MME: variants seen among roughly 807,000 people sequenced by gnomAD.
MME encodes neprilysin.
Under a neutral mutation model 113.2 loss-of-function variants are expected in MME, and 98 were observed. That is an observed-to-expected ratio of 0.87 (90% CI 0.74 to 1.02). The LOEUF is 1.02. MME is among the 50% of genes least tolerant of loss of function. The probability of loss-of-function intolerance (pLI) is 0.00; values close to 1 mark genes in which losing one functional copy is unlikely to be tolerated. For synonymous variants in MME, 292 were observed against 300.6 expected, an observed-to-expected ratio of 0.97 and a Z score of 0.30; for missense variants, 836 against 896.0, an observed-to-expected ratio of 0.93 and a Z score of 0.86.
At chr3:155,144,705 T>C (rs918636940) in intron 14 of MME, among the ~76,000 whole-genome samples, 1 of 152,076 alleles carries the variant, frequency 6.6e-6, no homozygotes, top group African/African-American at 2.4e-5. Flanking sequence ...AAATGTAAGG[T>C]GGTGCACTAT....
intron 21 of MME, 135 bp from the exon 22 acceptor site, chr3:155,172,401 A>G (rs1228789056): frequency 2.4e-6 from 2 of 837,346 alleles, no homozygotes; most frequent in Admixed American, 3.8e-5. Flanking sequence ...CTTTCATTGA[A>G]CATTATTTGA....
Position 155,181,717 on chromosome 3 carries a change from GA to G in MME, c.*1259del, listed in dbSNP as rs1713107789. On this transcript the variant is annotated 3_prime_UTR_variant, in exon 23 of 23. Coordinates refer to ENST00000360490, the MANE Select transcript of MME (RefSeq NM_007289.4). ...TCTGGAAAAGAACTGTTTACTGCTT[GA>G]TAGGAATTCATCTTTTGAGGCTTCT... The G allele has an allele frequency of 6.6e-6, 1 of 152,092 alleles. No homozygotes were observed. Among genetic ancestry groups the G allele is most frequent in the South Asian group, 2.1e-4 (1 of 4,828 alleles). 9.4% of individuals were successfully genotyped at this position (152,092 alleles called of 1,614,324 possible). A position where few individuals can be genotyped will look rare whatever the true frequency, so the allele number is the denominator to read the frequency against.
chr3:155,064,515 A>T (rs1216680884), intron 1 of MME, among the ~76,000 whole-genome samples: 1 of 152,198 alleles, frequency 6.6e-6, no homozygotes, highest in Non-Finnish European at 1.5e-5. Context: ...AATAATGAGG[A>T]CTATCACACA....
chr3:155,089,514 G>T (rs1364187188), intron 3 of MME, among the ~76,000 whole-genome samples: 1 of 152,166 alleles, frequency 6.6e-6, no homozygotes, highest in Non-Finnish European at 1.5e-5. Context: ...TCTCCTAGTT[G>T]TGACAACCAA....
intron 3 of MME, among the ~76,000 whole-genome samples, chr3:155,087,451 G>A (rs1487737224): frequency 1.3e-5 from 2 of 151,968 alleles, no homozygotes; most frequent in Non-Finnish European, 1.5e-5. Flanking sequence ...CAGGTACCTT[G>A]GCTGGGGGAT....
At chr3:155,052,218 CT>C (rs1713788045) in intron 1 of MME, among the ~76,000 whole-genome samples, 1 of 152,180 alleles carries the variant, frequency 6.6e-6, no homozygotes, top group Non-Finnish European at 1.5e-5. Flanking sequence ...GTGCCTGTGG[CT>C]TTTCCAGGTG....
Position 155,115,018 on chromosome 3 carries a change from A to T in MME, c.221A>T (p.Asp74Val), listed in dbSNP as rs1448753497. The T allele has an allele frequency of 1.2e-6, 2 of 1,614,128 alleles. No individual in the cohort carries two copies. Among genetic ancestry groups the T allele is most frequent in the Non-Finnish European group, 1.7e-6 (2 of 1,179,998 alleles). Residue 74 changes from aspartate to valine, a missense_variant, in exon 4 of 23, where the codon GAT becomes GTT. Transcript: ENST00000360490. ...KSAARLIQNM[D>V]ATTEPCTDFF... The stretch of plus-strand genomic sequence containing the variant: ...GCTGCTCGACTGATCCAAAACATGG[A>T]TGCCACCACTGAGCCTTGTACAGAC...
Position 155,067,909 on chromosome 3 carries a change from G to A in MME, c.-10-16249G>A, listed in dbSNP as rs549647338. Among the ~76,000 whole-genome samples, 7 of 152,056 alleles carry A rather than the reference G, an allele frequency of 4.6e-5. No individual in the cohort carries two copies. The East Asian group carries it at 1.2e-3, about 25-fold the overall frequency. ...GTTAAACATTACTGCCACAGGATTC[G>A]GCTATTGCACTCCTAGATATTTACC... On this transcript the variant is annotated intron_variant, in intron 1 of 22. Transcript: ENST00000492661.
At chr3:155,170,764 A>T (rs1245958742) in intron 20 of MME, among the ~76,000 whole-genome samples, 2 of 151,898 alleles carry the variant, frequency 1.3e-5, no homozygotes, top group Non-Finnish European at 2.9e-5. Flanking sequence ...CTGAACTCTC[A>T]GCTCCTTATC....
At chr3:155,128,835 A>G (rs1354259305) in intron 8 of MME, among the ~76,000 whole-genome samples, 1 of 152,204 alleles carries the variant, frequency 6.6e-6, no homozygotes, top group African/African-American at 2.4e-5. Context: ...GAAGAGAGGA[A>G]ACAAAAGAAA....
chr3:155,142,060 GA>G lies in MME; in HGVS notation c.1028del (p.Asp343ValfsTer10). The G allele has an allele frequency of 6.2e-7, 1 of 1,613,760 alleles. No individual in the cohort carries two copies. Among genetic ancestry groups the G allele is most frequent in the Non-Finnish European group, 8.5e-7 (1 of 1,179,750 alleles). ...TVNISITNEEDVVVYAPEYLT... is the reference protein window; with the variant it reads ...TVNISITNEEXVVVYAPEYLT... ...GAATATTAGTATTACAAATGAGGAA[GA>G]TGTGGTTGTTTATGCTCCAGAATAT... On this transcript the variant is annotated frameshift_variant, in exon 11 of 23. Coordinates refer to ENST00000360490, the MANE Select transcript of MME (RefSeq NM_007289.4). LOFTEE classifies it high-confidence loss of function.
intron 1 of MME, among the ~76,000 whole-genome samples, chr3:155,068,524 C>T (rs1714457834): frequency 6.6e-6 from 1 of 152,190 alleles, no homozygotes; most frequent in African/African-American, 2.4e-5. Flanking sequence ...GCTGGTCTGA[C>T]ACGGTGTCAC....
At chr3:155,050,430 T>C (rs1028038786) in intron 1 of MME, among the ~76,000 whole-genome samples, 3 of 152,214 alleles carry the variant, frequency 2.0e-5, no homozygotes, top group Admixed American at 1.3e-4. Flanking sequence ...GATGACTGAA[T>C]TGATTAACAC....
rs1713571243 is a variant in MME at position 155,046,599 on chromosome 3, A to C, written c.-11+22275A>C. On this transcript the variant is annotated intron_variant, in intron 1 of 22. Transcript: ENST00000492661. ...CAGTTACTTAGGAGGCCGAGGCAGGAGAATCGCTTGAACCCAGGAGGCAGA... is the reference window on the plus strand; with the variant it reads ...CAGTTACTTAGGAGGCCGAGGCAGGCGAATCGCTTGAACCCAGGAGGCAGA... Among the ~76,000 whole-genome samples the C allele has an allele frequency of 2.0e-5, 3 of 152,316 alleles. No homozygotes were observed. In the South Asian group the frequency reaches 6.2e-4, roughly 32 times the overall value.
chr3:155,054,244 T>A (rs1713854957), intron 1 of MME, among the ~76,000 whole-genome samples: 1 of 152,188 alleles, frequency 6.6e-6, no homozygotes, highest in Admixed American at 6.5e-5. Context: ...TTAATCGTTT[T>A]TATTTTAGTG....
At chr3:155,047,483 CA>C (rs1713598133) in intron 1 of MME, among the ~76,000 whole-genome samples, 1 of 152,156 alleles carries the variant, frequency 6.6e-6, no homozygotes, top group Non-Finnish European at 1.5e-5. Context: ...TGTTGTTAAG[CA>C]ATGCATAATA....
chr3:155,024,615 C>A (rs1232931467), intron 1 of MME, among the ~76,000 whole-genome samples: 1 of 152,098 alleles, frequency 6.6e-6, no homozygotes, highest in African/African-American at 2.4e-5. Context: ...TGATATCATT[C>A]CACTTTTTCT....
At chr3:155,032,157 C>T (rs1447362282) in intron 1 of MME, among the ~76,000 whole-genome samples, 1 of 152,006 alleles carries the variant, frequency 6.6e-6, no homozygotes, top group Non-Finnish European at 1.5e-5. Context: ...TTTAGAGGTA[C>T]GATAGTCCAT....
chr3:155,102,377 A>G (rs780838556), intron 3 of MME, among the ~76,000 whole-genome samples: 6 of 152,104 alleles, frequency 3.9e-5, no homozygotes, highest in Non-Finnish European at 8.8e-5. Flanking sequence ...TTTGTATTCT[A>G]TGGATTACCT....
Sources: gnomAD v4.1 joint callset for allele counts (sites outside exome capture counted in the v4.1 genomes callset) on GRCh38, gnomAD v4.1.1 for gene constraint, MANE v1.5 for transcripts, NCBI Gene and HGNC (gene_info 2026-07-23, HGNC 2026-07-21) for gene names.